Variants in FSHR observed in about 807,000 individuals in gnomAD.
FSHR encodes the protein follicle-stimulating hormone receptor.
FSHR carries 46 observed loss-of-function variants against 52.1 expected under a neutral mutation model. The ratio of observed to expected loss-of-function variants is 0.88; its 90% CI spans 0.70 to 1.13. The LOEUF is 1.13. Ranked by LOEUF, FSHR falls within the 50% of genes most tolerant of loss-of-function variation. FSHR has a pLI of 0.00. For synonymous variants in FSHR, 399 were observed against 309.6 expected (o/e 1.29, Z -3.03); for missense variants, 964 against 834.6 (o/e 1.16, Z -1.91).
chr2:49,038,831 T>A (rs1049833527), intron 2 of FSHR, among the ~76,000 whole-genome samples: 1 of 151,964 alleles, frequency 6.6e-6, no homozygotes, highest in Non-Finnish European at 1.5e-5. Flanking sequence ...TTCATAAATA[T>A]ATTTTTAAGA....
intron 1 of FSHR, among the ~76,000 whole-genome samples, chr2:49,075,079 T>C (rs937297709): frequency 6.6e-5 from 10 of 152,106 alleles, no homozygotes; most frequent in African/African-American, 2.4e-4. Flanking sequence ...TGTTAAAGGA[T>C]ACAAAATTAT....
intron 1 of FSHR, among the ~76,000 whole-genome samples, chr2:49,085,281 G>A (rs1670331706): frequency 6.6e-6 from 1 of 152,214 alleles, no homozygotes; most frequent in Non-Finnish European, 1.5e-5. Context: ...AAAGGCCTTT[G>A]ACAAAATTCA....
In FSHR at chr2:49,154,322, G is replaced by C; in HGVS notation, c.96C>G (p.Cys32Trp). 1 of 1,613,782 alleles carries C rather than the reference G, an allele frequency of 6.2e-7. No individual in the cohort carries two copies. The highest frequency in any genetic ancestry group is 8.5e-7 in the Non-Finnish European group (1 of 1,179,840). Residue 32 changes from cysteine (C) to tryptophan (W), a missense_variant, in exon 1 of 10, where the codon TGC (cysteine) becomes TGG (tryptophan). By Grantham distance (215) the Cys-to-Trp change is radical. Coordinates refer to ENST00000406846, the MANE Select transcript of FSHR (RefSeq NM_000145.4). Reference sequence around the variant, plus strand: ...GAATCTCTGTCACCTTGCTCTCTTGGCAGAGAAAAACCCTGTTAGAGCAGT... The same window carrying C: ...GAATCTCTGTCACCTTGCTCTCTTGCCAGAGAAAAACCCTGTTAGAGCAGT... The part of the protein sequence containing the change: ...ICHCSNRVFL[C>W]QESKVTEIPS...
intron 2 of FSHR, among the ~76,000 whole-genome samples, chr2:49,066,107 G>A (rs1029573122): frequency 6.6e-6 from 1 of 152,106 alleles, no homozygotes; most frequent in African/African-American, 2.4e-5. Context: ...GAAAAGAAAG[G>A]ATAGAGAGGC....
intron 6 of FSHR, among the ~76,000 whole-genome samples, chr2:48,986,745 G>C (rs958904158): frequency 6.6e-6 from 1 of 152,180 alleles, no homozygotes; most frequent in Non-Finnish European, 1.5e-5. Context: ...GGTTTGCAAA[G>C]CTATGTCAGA....
chr2:49,045,936 C>A (rs1262419118), intron 2 of FSHR, among the ~76,000 whole-genome samples: 1 of 152,148 alleles, frequency 6.6e-6, no homozygotes, highest in Non-Finnish European at 1.5e-5. Context: ...CTCTCAAGAT[C>A]TAATTTCTTT....
intron 1 of FSHR, among the ~76,000 whole-genome samples, chr2:49,072,257 A>C (rs944839336): frequency 6.6e-6 from 1 of 152,124 alleles, no homozygotes; most frequent in African/African-American, 2.4e-5. Flanking sequence ...ACAAACAAAC[A>C]AGCACCCTTT....
At chr2:49,134,005 T>C (rs1038114875) in intron 1 of FSHR, among the ~76,000 whole-genome samples, 4 of 152,182 alleles carry the variant, frequency 2.6e-5, no homozygotes, top group Non-Finnish European at 5.9e-5. Flanking sequence ...ACCACAGGCA[T>C]GGGCAAGGGC....
intron 8 of FSHR, among the ~76,000 whole-genome samples, chr2:48,980,745 T>C (rs983371028): frequency 8.5e-5 from 13 of 152,166 alleles, no homozygotes; most frequent in Admixed American, 7.2e-4. Flanking sequence ...AAGACCTAGT[T>C]TCTGGTCCAG....
In FSHR at chr2:48,968,871, T is replaced by C. The variant is rs1345565360; in HGVS notation, c.681A>G (p.Arg227=). The C allele has an allele frequency of 6.2e-7, 1 of 1,613,450 alleles. No homozygotes were observed. Among genetic ancestry groups the C allele is most frequent in the East Asian group, 2.2e-5 (1 of 44,874 alleles). ...ASGPVILDIS[R]TRIHSLPSYG... ...AGCTAGGCAGGGAATGGATCCTTGT[T>C]CTTGAAATATCTCTATAAAGAGAAA... The change falls in exon 9 of 10, where the codon AGA becomes AGG. Residue 227 remains arginine, a synonymous_variant. Transcript: ENST00000406846.
At chr2:49,126,598 C>T (rs1035993895) in intron 1 of FSHR, among the ~76,000 whole-genome samples, 3 of 152,058 alleles carry the variant, frequency 2.0e-5, no homozygotes, top group Admixed American at 1.3e-4. Context: ...GTTGAATGAC[C>T]TCAGTTATAG....
chr2:49,067,109 T>G (rs996353084), intron 2 of FSHR, among the ~76,000 whole-genome samples: 4 of 152,210 alleles, frequency 2.6e-5, no homozygotes, highest in South Asian at 4.1e-4. Context: ...AAGCCCCTTT[T>G]TAAAACTCCT....
chr2:49,121,062 T>A (rs1353329791), intron 1 of FSHR, among the ~76,000 whole-genome samples: 1 of 152,204 alleles, frequency 6.6e-6, no homozygotes, highest in Admixed American at 6.5e-5. Flanking sequence ...TGGTCATCCT[T>A]TGAAAGAAAA....
chr2:49,085,873 C>A (rs1217323616), intron 1 of FSHR, among the ~76,000 whole-genome samples: 3 of 150,632 alleles, frequency 2.0e-5, no homozygotes, highest in East Asian at 3.9e-4. Flanking sequence ...GACAAAAAAC[C>A]AAACACCGCG....
At chr2:49,136,307 C>T (rs948949658) in intron 1 of FSHR, among the ~76,000 whole-genome samples, 1 of 151,990 alleles carries the variant, frequency 6.6e-6, no homozygotes, top group African/African-American at 2.4e-5. Context: ...ACCACTGAAA[C>T]TGACTCAAGA....
At chr2:49,083,608 T>A (rs1670259247) in intron 1 of FSHR, among the ~76,000 whole-genome samples, 1 of 149,154 alleles carries the variant, frequency 6.7e-6, no homozygotes, top group Non-Finnish European at 1.5e-5. Context: ...CCATCTCACG[T>A]GCAGAGACAC....
chr2:48,963,133 G>T lies in FSHR; in HGVS notation c.1688C>A (p.Ser563Tyr). 1 of 1,614,100 alleles carries T rather than the reference G, an allele frequency of 6.2e-7. No homozygotes were observed. Among genetic ancestry groups the T allele is most frequent in the Non-Finnish European group, 8.5e-7 (1 of 1,179,996 alleles). ...YLTVRNPNIVSSSSDTRIAKR... is the reference protein window; with the variant it reads ...YLTVRNPNIVYSSSDTRIAKR... The stretch of plus-strand genomic sequence containing the variant: ...GGCGATCCTGGTGTCACTAGAGGAG[G>T]ACACGATGTTGGGGTTCCGCACTGT... Residue 563 changes from serine (S) to tyrosine (Y), a missense_variant, in exon 10 of 10, where the codon TCC becomes TAC. By Grantham distance (144) the Ser-to-Tyr change is moderately radical (BLOSUM62 -2). Transcript: ENST00000406846.
intron 1 of FSHR, among the ~76,000 whole-genome samples, chr2:49,070,599 G>A (rs781420635): frequency 2.0e-5 from 3 of 152,104 alleles, no homozygotes; most frequent in African/African-American, 7.2e-5. Context: ...GGAGAGTGAG[G>A]TCTTGAATAA....
intron 8 of FSHR, among the ~76,000 whole-genome samples, chr2:48,977,959 A>G (rs1419788031): frequency 6.6e-6 from 1 of 152,212 alleles, no homozygotes; most frequent in Non-Finnish European, 1.5e-5. Context: ...TTTTAAAAAT[A>G]TCACTTTTAA....
Sources: gnomAD v4.1 joint callset for allele counts (sites outside exome capture counted in the v4.1 genomes callset) on GRCh38, gnomAD v4.1.1 for gene constraint, MANE v1.5 for transcripts, NCBI Gene and HGNC (gene_info 2026-07-23, HGNC 2026-07-21) for gene names.